Variants in PHF21B observed in about 807,000 individuals in gnomAD.
PHF21B encodes the protein PHD finger protein 4.
In PHF21B, 22 loss-of-function variants were observed where a neutral mutation model predicts 62.2. The ratio of observed to expected loss-of-function variants is 0.35; its 90% CI spans 0.25 to 0.51. PHF21B has a LOEUF of 0.51. PHF21B is among the 20% of genes least tolerant of loss of function. PHF21B has a pLI of 0.97. For missense variants in PHF21B, 701 were observed against 707.9 expected, an observed-to-expected ratio of 0.99 and a Z score of 0.11; for synonymous variants, 341 against 314.7, an observed-to-expected ratio of 1.08 and a Z score of -0.88.
chr22:44,935,173 T>C (rs572642142), intron 2 of PHF21B, among the ~76,000 whole-genome samples: 8 of 152,240 alleles, frequency 5.3e-5, no homozygotes, highest in East Asian at 1.9e-4. Flanking sequence ...TTCAGGAACA[T>C]AGCCCAAAGA....
chr22:44,992,177 C>T (rs2073052253), intron 2 of PHF21B, among the ~76,000 whole-genome samples: 1 of 152,244 alleles, frequency 6.6e-6, no homozygotes, highest in African/African-American at 2.4e-5. Flanking sequence ...TCTCTCCATG[C>T]CCTCTGAAGT....
intron 2 of PHF21B, among the ~76,000 whole-genome samples, chr22:45,000,053 C>T (rs886493988): frequency 3.9e-5 from 6 of 152,166 alleles, no homozygotes; most frequent in South Asian, 2.1e-4. Context: ...TTTATAACTA[C>T]GGAACCAGAG....
chr22:44,913,262 A>G (rs1200098292), intron 5 of PHF21B, among the ~76,000 whole-genome samples: 1 of 152,184 alleles, frequency 6.6e-6, no homozygotes, highest in Non-Finnish European at 1.5e-5. Context: ...CTACTTCTAC[A>G]GTGCCCAGGG....
In PHF21B at chr22:44,891,377, C is replaced by T. The variant is rs2070961690; in HGVS notation, c.961-17G>A. On this transcript the variant is annotated splice_polypyrimidine_tract_variant and intron_variant, in intron 7 of 12. Transcript: ENST00000313237. ...CCGTTTCCTCTGCAGGGACAGAAAA[C>T]AAAACAACACACCCCATCATCTGGA... The T allele has an allele frequency of 2.5e-6, 4 of 1,612,746 alleles. No homozygotes were observed. Among genetic ancestry groups the T allele is most frequent in the Non-Finnish European group, 3.4e-6 (4 of 1,179,556 alleles).
intron 2 of PHF21B, among the ~76,000 whole-genome samples, chr22:44,946,901 T>G (rs1435065716): frequency 6.6e-6 from 1 of 152,026 alleles, no homozygotes; most frequent in Non-Finnish European, 1.5e-5. Context: ...GGATGGAGGG[T>G]AGCAGGGCCT....
chr22:44,897,026 G>C (rs565319558), intron 5 of PHF21B, among the ~76,000 whole-genome samples: 1 of 151,646 alleles, frequency 6.6e-6, no homozygotes, highest in Non-Finnish European at 1.5e-5. Context: ...CCACAGGTGC[G>C]CACCACCGTG....
At chr22:44,933,064 T>C (rs1420903968) in intron 2 of PHF21B, among the ~76,000 whole-genome samples, 1 of 151,752 alleles carries the variant, frequency 6.6e-6, no homozygotes, top group African/African-American at 2.4e-5. Flanking sequence ...CTGGTTGGAT[T>C]GGCAAATGCT....
At chr22:44,985,257 T>A (rs2072925122) in intron 2 of PHF21B, among the ~76,000 whole-genome samples, 1 of 152,218 alleles carries the variant, frequency 6.6e-6, no homozygotes, top group Non-Finnish European at 1.5e-5. Flanking sequence ...AATTTTACTG[T>A]TGCACACCTG....
At chr22:44,997,275 C>T (rs770503021) in intron 2 of PHF21B, among the ~76,000 whole-genome samples, 1 of 152,194 alleles carries the variant, frequency 6.6e-6, no homozygotes, top group African/African-American at 2.4e-5. Context: ...TGGCAACTTT[C>T]CCTTGACGTG....
Position 44,914,096 on chromosome 22 carries a change from G to A in PHF21B, c.565-8C>T, listed in dbSNP as rs373663041. The A allele has an allele frequency of 4.6e-5, 40 of 867,134 alleles. No individual in the cohort carries two copies. The African/African-American group carries it at 6.0e-4, about 13-fold the overall frequency. The allele number at this position is 867,134 out of a possible 1,614,324, so 53.7% of individuals were successfully genotyped here. A position where few individuals can be genotyped will look rare whatever the true frequency, so the allele number is the denominator to read the frequency against. The stretch of plus-strand genomic sequence containing the variant: ...GAGGAGGCGTGGAGGAGGCTGGAGA[G>A]CGAGGGTGAGGGGCACAGGGAGGAA... On this transcript the variant is annotated splice_region_variant and splice_polypyrimidine_tract_variant and intron_variant, in intron 4 of 12. Coordinates refer to ENST00000313237, the MANE Select transcript of PHF21B (RefSeq NM_138415.5).
At chr22:44,940,746 C>T (rs2071940129) in intron 2 of PHF21B, among the ~76,000 whole-genome samples, 1 of 152,140 alleles carries the variant, frequency 6.6e-6, no homozygotes, top group Non-Finnish European at 1.5e-5. Context: ...ACCCCAACAG[C>T]TGGGACCTTC....
chr22:44,940,347 T>C (rs1387613667), intron 2 of PHF21B, among the ~76,000 whole-genome samples: 1 of 152,208 alleles, frequency 6.6e-6, no homozygotes, highest in Non-Finnish European at 1.5e-5. Context: ...ATTACCAGCA[T>C]TAGCATTGCT....
Position 44,912,878 on chromosome 22 carries a change from C to CAA in PHF21B, c.831+942_831+943dup, listed in dbSNP as rs3087031. Among the ~76,000 whole-genome samples the CAA allele has an allele frequency of 5.9e-4, 27 of 45,600 alleles. 2 individuals carry two copies. The highest frequency in any genetic ancestry group is 2.5e-3 in the African/African-American group (21 of 8,476). The allele number at this position is 45,600 out of a possible 152,430, so 29.9% of individuals were successfully genotyped here. ...TGGCTCAAAGAGTCAGACTCTATCTCAAAAAAAAAAAAAAAAAAAGACAAA... is the reference window on the plus strand; with the variant it reads ...TGGCTCAAAGAGTCAGACTCTATCTCAAAAAAAAAAAAAAAAAAAAAGACAAA... On this transcript the variant is annotated intron_variant, in intron 5 of 12. Coordinates refer to ENST00000313237, the MANE Select transcript of PHF21B (RefSeq NM_138415.5).
At chr22:44,939,666 CAGG>C (rs933456847) in intron 2 of PHF21B, among the ~76,000 whole-genome samples, 14 of 152,238 alleles carry the variant, frequency 9.2e-5, no homozygotes, top group African/African-American at 3.1e-4. Context: ...ACGAGGAGAC[CAGG>C]AGAAGTCACG....
chr22:45,000,790 A>G (rs1264702743), intron 2 of PHF21B: 2 of 152,108 alleles, frequency 1.3e-5, no homozygotes, highest in Admixed American at 6.5e-5. Flanking sequence ...GCAACAAGAC[A>G]AAAGTGCCCA....
intron 2 of PHF21B, among the ~76,000 whole-genome samples, chr22:44,933,775 A>G (rs1042411585): frequency 3.9e-5 from 6 of 152,094 alleles, no homozygotes; most frequent in African/African-American, 1.2e-4. Context: ...AGAGAGACAG[A>G]CACATGACTG....
At chr22:44,904,390 T>C (rs1466287043) in intron 5 of PHF21B, among the ~76,000 whole-genome samples, 1 of 152,112 alleles carries the variant, frequency 6.6e-6, no homozygotes, top group African/African-American at 2.4e-5. Context: ...GCTTCATCTA[T>C]CTTCTGGCAA....
chr22:44,925,674 G>A (rs1009040870), intron 2 of PHF21B, among the ~76,000 whole-genome samples: 1 of 152,230 alleles, frequency 6.6e-6, no homozygotes, highest in African/African-American at 2.4e-5. Context: ...ACCGCCTGCT[G>A]CTCTTGGCTG....
rs539021495 is a variant in PHF21B, at chr22:44,917,860, G to C, written c.214-1230C>G. Among the ~76,000 whole-genome samples, 9 of 152,324 alleles carry C rather than the reference G, an allele frequency of 5.9e-5. No individual in the cohort carries two copies. In the South Asian group the frequency reaches 1.9e-3, roughly 32 times the overall value. On this transcript the variant is annotated intron_variant, in intron 3 of 12. Transcript: ENST00000313237. ...GTGCTCTTCAGTTGGACAGTATCAC[G>C]TCTGTCAGCTCCTCACCAGTGCCTG... is the stretch of plus-strand genomic sequence containing the variant.
Sources: allele counts gnomAD v4.1 joint callset (sites outside exome capture counted in the v4.1 genomes callset), GRCh38; gene constraint gnomAD v4.1.1; transcripts MANE v1.5; gene names NCBI Gene and HGNC (gene_info 2026-07-23, HGNC 2026-07-21).